Variants in ARID5B observed in about 807,000 individuals in gnomAD.
ARID5B encodes the protein AT-rich interactive domain-containing protein 5B.
Under a neutral mutation model 97.2 loss-of-function variants are expected in ARID5B, and 13 were observed. That is an observed-to-expected ratio of 0.13 (90% CI 0.09 to 0.21). The LOEUF (loss-of-function observed/expected upper bound fraction) is 0.21, where lower values mean the gene tolerates loss of function less well. Among genes scored for constraint, ARID5B ranks in the 10% least tolerant of loss-of-function variants. ARID5B has a pLI of 1.00. For missense variants in ARID5B, 1,210 were observed against 1,465.3 expected, an observed-to-expected ratio of 0.83 and a Z score of 2.84; for synonymous variants, 556 against 570.3, an observed-to-expected ratio of 0.97 and a Z score of 0.36.
chr10:62,042,769 G>T (rs1839655285), intron 4 of ARID5B, among the ~76,000 whole-genome samples: 1 of 151,982 alleles, frequency 6.6e-6, no homozygotes, highest in Non-Finnish European at 1.5e-5. Flanking sequence ...AAAAAAATTA[G>T]CTGGGCTTGG....
intron 3 of ARID5B, among the ~76,000 whole-genome samples, chr10:61,970,972 AGT>A (rs55961997): frequency 9.3e-5 from 14 of 150,260 alleles, no homozygotes; most frequent in African/African-American, 2.4e-4. Flanking sequence ...TTGCTTTTAA[AGT>A]GTGTGTGTGT....
intron 4 of ARID5B, among the ~76,000 whole-genome samples, chr10:62,022,837 C>A: frequency 6.6e-6 from 1 of 152,178 alleles, no homozygotes; most frequent in East Asian, 1.9e-4. Flanking sequence ...CAAAAAAAAT[C>A]TCCTCATTGT....
At chr10:62,024,655 G>A in intron 4 of ARID5B, 2 of 395,324 alleles carry the variant, frequency 5.1e-6, no homozygotes, top group Middle Eastern at 6.4e-4. Flanking sequence ...TATATTTTCT[G>A]ATTTTTTTTT....
intron 7 of ARID5B, among the ~76,000 whole-genome samples, chr10:62,065,054 G>A (rs183360612): frequency 8.1e-4 from 123 of 152,246 alleles, no homozygotes; most frequent in African/African-American, 2.7e-3. Context: ...GATTACAGGC[G>A]TGAGTCACCA....
chr10:62,082,988 A>C (rs1273009996), intron 8 of ARID5B, among the ~76,000 whole-genome samples: 1 of 152,020 alleles, frequency 6.6e-6, no homozygotes, highest in East Asian at 1.9e-4. Flanking sequence ...TTTTTCCCCA[A>C]GCCACTATAA....
chr10:61,906,818 A>G (rs762678328), intron 2 of ARID5B, among the ~76,000 whole-genome samples: 3 of 152,216 alleles, frequency 2.0e-5, no homozygotes, highest in Non-Finnish European at 4.4e-5. Context: ...TAGCTGTGTT[A>G]TCTTGGGCAA....
At chr10:61,992,731 GCCAATCTC>G (rs1312191740) in intron 3 of ARID5B, among the ~76,000 whole-genome samples, 1 of 152,058 alleles carries the variant, frequency 6.6e-6, no homozygotes, top group African/African-American at 2.4e-5. Flanking sequence ...ATAAAGCCAA[GCCAATCTC>G]CTTGTTCTGT....
intron 3 of ARID5B, among the ~76,000 whole-genome samples, chr10:61,945,769 A>G (rs1288427159): frequency 6.6e-6 from 1 of 152,070 alleles, no homozygotes; most frequent in Non-Finnish European, 1.5e-5. Context: ...TGGTATTATT[A>G]GTACATTATT....
At position 62,091,615 on chromosome 10, in the gene ARID5B, A is replaced by G; in HGVS notation, c.2152A>G (p.Ser718Gly). 1 of 1,613,736 alleles carries G rather than the reference A, an allele frequency of 6.2e-7. No individual in the cohort carries two copies. Among genetic ancestry groups the G allele is most frequent in the Non-Finnish European group, 8.5e-7 (1 of 1,179,902 alleles). The part of the protein sequence containing the change: ...YPYGSPPPLI[S>G]KKKLIARDDL... ...TTATGGCTCCCCACCCCCTTTGATC[A>G]GCAAAAAGAAACTGATTGCTAGGGA... Residue 718 changes from serine (S) to glycine (G), a missense_variant, in exon 10 of 10, where the codon AGC (serine) becomes GGC (glycine). Transcript: ENST00000279873.
intron 3 of ARID5B, among the ~76,000 whole-genome samples, chr10:61,949,501 G>T (rs904471429): frequency 2.0e-5 from 3 of 152,136 alleles, no homozygotes; most frequent in African/African-American, 7.2e-5. Flanking sequence ...GACGGGTATG[G>T]TAGCACACAT....
Position 62,093,198 on chromosome 10 carries a change from G to A in ARID5B, c.*168G>A. On this transcript the variant is annotated 3_prime_UTR_variant, in exon 10 of 10. Coordinates refer to ENST00000279873, the MANE Select transcript of ARID5B (RefSeq NM_032199.3). ...GAGGTGAACATGCCTGATTTTTGTG[G>A]GACAACTCTAGCCCACAAACTGACT... The A allele has an allele frequency of 9.6e-7, 1 of 1,042,394 alleles. No individual in the cohort carries two copies. Among genetic ancestry groups the A allele is most frequent in the Non-Finnish European group, 1.3e-6 (1 of 746,864 alleles). The allele number at this position is 1,042,394 out of a possible 1,614,324, so 64.6% of individuals were successfully genotyped here. A position where few individuals can be genotyped will look rare whatever the true frequency, so the allele number is the denominator to read the frequency against.
At chr10:61,913,998 G>A (rs939106549) in intron 2 of ARID5B, among the ~76,000 whole-genome samples, 46 of 152,262 alleles carry the variant, frequency 3.0e-4, no homozygotes, top group Admixed American at 1.0e-3. Context: ...TGATCCACCC[G>A]CCTCAGCCTC....
intron 2 of ARID5B, among the ~76,000 whole-genome samples, chr10:61,938,914 C>T (rs1844350286): frequency 6.9e-6 from 1 of 145,856 alleles, no homozygotes; most frequent in Non-Finnish European, 1.5e-5. Flanking sequence ...CCCAGGGCTT[C>T]TTATTATGTG....
intron 3 of ARID5B, among the ~76,000 whole-genome samples, chr10:61,975,266 T>A (rs1481485136): frequency 6.6e-6 from 1 of 152,152 alleles, no homozygotes; most frequent in African/African-American, 2.4e-5. Context: ...TACCAAAGAT[T>A]AGCCCCTCAA....
intron 4 of ARID5B, among the ~76,000 whole-genome samples, chr10:62,027,615 T>G (rs1312745891): frequency 2.0e-5 from 3 of 152,000 alleles, no homozygotes; most frequent in Admixed American, 6.6e-5. Context: ...CACCTCACAG[T>G]ATCTCTTAAG....
At chr10:62,033,850 G>A (rs1368343134) in intron 4 of ARID5B, among the ~76,000 whole-genome samples, 6 of 152,130 alleles carry the variant, frequency 3.9e-5, no homozygotes, top group Non-Finnish European at 5.9e-5. Flanking sequence ...AATTCAGCCC[G>A]GAGAGAGATG....
rs147195817 is a variant in ARID5B, at chr10:62,056,108, G to A, written c.847-1009G>A. Among the ~76,000 whole-genome samples, 483 of 152,252 alleles carry A rather than the reference G, an allele frequency of 3.2e-3. 3 individuals carry two copies. Among genetic ancestry groups the A allele is most frequent in the African/African-American group, 0.011 (460 of 41,540 alleles). ...AATTAAAATAGCTCAGCAACTTAGTGTTATATTTAACGACCATCAAAGTCC... is the reference window on the plus strand; with the variant it reads ...AATTAAAATAGCTCAGCAACTTAGTATTATATTTAACGACCATCAAAGTCC... On this transcript the variant is annotated intron_variant, in intron 5 of 9. Transcript: ENST00000279873.
chr10:61,952,361 CTCTTA>C (rs1838334522), intron 3 of ARID5B, among the ~76,000 whole-genome samples: 1 of 152,202 alleles, frequency 6.6e-6, no homozygotes, highest in Non-Finnish European at 1.5e-5. Context: ...CTTTATTGAG[CTCTTA>C]TCTTATCACA....
At chr10:61,940,923 CTATATATATATA>C (rs1281824107) in intron 3 of ARID5B, among the ~76,000 whole-genome samples, 1,643 of 11,422 alleles carry the variant, frequency 0.14, 182 homozygotes, top group Non-Finnish European at 0.17. Flanking sequence ...GTACCATCAA[CTATATATATATA>C]TATATATATA....
Sources: gnomAD v4.1 joint callset for allele counts (sites outside exome capture counted in the v4.1 genomes callset) on GRCh38, gnomAD v4.1.1 for gene constraint, MANE v1.5 for transcripts, NCBI Gene and HGNC (gene_info 2026-07-23, HGNC 2026-07-21) for gene names.